The following JMJD1C variants were observed in gnomAD, a reference collection of about 807,000 sequenced individuals.
JMJD1C encodes jumonji domain-containing protein 1C.
Under a neutral mutation model 245.3 loss-of-function variants are expected in JMJD1C, and 31 were observed. That is an observed-to-expected ratio of 0.13 (90% confidence interval 0.09 to 0.17). The LOEUF (loss-of-function observed/expected upper bound fraction) is 0.17, where lower values mean the gene tolerates loss of function less well. Among genes scored for constraint, JMJD1C ranks in the 10% least tolerant of loss-of-function variants. The pLI is 1.00. For missense variants in JMJD1C, 2,691 were observed against 3,000.2 expected, an observed-to-expected ratio of 0.90 and a Z score of 2.41; for synonymous variants, 1,057 against 1,017.4, an observed-to-expected ratio of 1.04 and a Z score of -0.74.
chr10:63,215,165 GAAAGA>G lies in JMJD1C; in HGVS notation c.1016-19_1016-15del. ...CTTTAGGATTTTCTGTAGGATTAAA[GAAAGA>G]AGAGTCTTATTTTTCATACTAAATA... On this transcript the variant is annotated splice_polypyrimidine_tract_variant and intron_variant, in intron 7 of 25. Coordinates refer to ENST00000399262, the MANE Select transcript of JMJD1C (RefSeq NM_032776.3). 1 of 1,517,046 alleles carries G rather than the reference GAAAGA, an allele frequency of 6.6e-7. No individual in the cohort carries two copies. Among genetic ancestry groups the G allele is most frequent in the African/African-American group, 1.4e-5 (1 of 71,344 alleles). The allele number at this position is 1,517,046 out of a possible 1,614,324, so 94.0% of individuals were successfully genotyped here.
intron 2 of JMJD1C, among the ~76,000 whole-genome samples, chr10:63,370,362 C>T (rs1488488566): frequency 6.6e-6 from 1 of 152,228 alleles, no homozygotes; most frequent in Non-Finnish European, 1.5e-5. Context: ...TCTAAACTCA[C>T]TGCAGTGCTA....
At chr10:63,184,933 A>G (rs1589083302) in intron 20 of JMJD1C, among the ~76,000 whole-genome samples, 195 bp from the exon 21 acceptor site, 1 of 152,126 alleles carries the variant, frequency 6.6e-6, no homozygotes, top group South Asian at 2.1e-4. Flanking sequence ...AAAAGCTCCA[A>G]TAGAAGGGAG....
At chr10:63,513,308 C>A (rs1954924699) in intron 1 of JMJD1C, among the ~76,000 whole-genome samples, 1 of 152,172 alleles carries the variant, frequency 6.6e-6, no homozygotes, top group African/African-American at 2.4e-5. Flanking sequence ...AAAATTAACT[C>A]AAGATGGATT....
intron 2 of JMJD1C, among the ~76,000 whole-genome samples, chr10:63,276,879 T>C (rs1459434892): frequency 8.7e-6 from 1 of 114,922 alleles, no homozygotes; most frequent in African/African-American, 3.7e-5. Context: ...AATAGAAGCT[T>C]GGGGCTTTTT....
At chr10:63,255,017 C>T (rs930221997) in intron 3 of JMJD1C, among the ~76,000 whole-genome samples, 1 of 151,866 alleles carries the variant, frequency 6.6e-6, no homozygotes, top group African/African-American at 2.4e-5. Context: ...CCATGCCCTG[C>T]TAATTTTATT....
intron 1 of JMJD1C, among the ~76,000 whole-genome samples, chr10:63,433,455 A>C (rs1196745307): frequency 6.6e-6 from 1 of 152,330 alleles, no homozygotes; most frequent in African/African-American, 2.4e-5. Flanking sequence ...CAATGGCTTA[A>C]CTGTAACATC....
chr10:63,199,574 T>C (rs1845803637), intron 11 of JMJD1C, among the ~76,000 whole-genome samples: 1 of 152,168 alleles, frequency 6.6e-6, no homozygotes, highest in Admixed American at 6.5e-5. Context: ...GCCTGAACAT[T>C]TCTTTCCTTC....
At chr10:63,180,290 C>G (rs752883029) in intron 22 of JMJD1C, among the ~76,000 whole-genome samples, 1 of 152,130 alleles carries the variant, frequency 6.6e-6, no homozygotes, top group Non-Finnish European at 1.5e-5. Context: ...GGATTACAGG[C>G]GTGAGCCACT....
At chr10:63,492,438 G>A (rs532652046) in intron 1 of JMJD1C, among the ~76,000 whole-genome samples, 25 of 152,332 alleles carry the variant, frequency 1.6e-4, no homozygotes, top group African/African-American at 6.0e-4. Flanking sequence ...GGCCAAGGTT[G>A]GTGGATCACT....
Position 63,233,757 on chromosome 10 carries a change from GCACACACACA to G in JMJD1C, c.448-13784_448-13775del, listed in dbSNP as rs10565803. On this transcript the variant is annotated intron_variant, in intron 3 of 25. Transcript: ENST00000399262. ...TATATATATATCCACACACGCGCGT[GCACACACACA>G]CACACACACACACACACCACCACCA... Among the ~76,000 whole-genome samples, 165 of 148,200 alleles carry G rather than the reference GCACACACACA, an allele frequency of 1.1e-3. 1 individual carries two copies. The highest frequency in any genetic ancestry group is 2.0e-3 in the Non-Finnish European group (132 of 67,178).
intron 1 of JMJD1C, among the ~76,000 whole-genome samples, chr10:63,486,102 TGGA>T (rs1220559087): frequency 8.6e-6 from 1 of 116,646 alleles, no homozygotes; most frequent in African/African-American, 3.4e-5. Context: ...GCCAAAGACG[TGGA>T]GAAGGGGAAA....
chr10:63,228,291 T>C (rs935331277), intron 3 of JMJD1C, among the ~76,000 whole-genome samples: 3 of 152,188 alleles, frequency 2.0e-5, no homozygotes, highest in African/African-American at 7.2e-5. Context: ...TCTATGAAAT[T>C]TGAATTTCAT....
At chr10:63,298,464 C>T (rs12773283) in intron 2 of JMJD1C, among the ~76,000 whole-genome samples, 123,138 of 152,092 alleles carry the variant, frequency 0.81, 50,262 homozygotes, top group Non-Finnish European at 0.85. Context: ...CATGCCGATC[C>T]CTGCCAATGT....
intron 1 of JMJD1C, among the ~76,000 whole-genome samples, chr10:63,399,183 T>C (rs1476757054): frequency 1.3e-5 from 2 of 152,188 alleles, no homozygotes; most frequent in African/African-American, 4.8e-5. Flanking sequence ...GATGTCAAAT[T>C]TTCCATCCTT....
At chr10:63,220,058 C>A in intron 3 of JMJD1C, 75 bp from the exon 4 acceptor site, 1 of 1,061,042 alleles carries the variant, frequency 9.4e-7, no homozygotes, top group Non-Finnish European at 1.4e-6. Flanking sequence ...CCCTCCTATA[C>A]GTTCTAAGGA....
chr10:63,434,382 G>A (rs886927016), intron 1 of JMJD1C, among the ~76,000 whole-genome samples: 1 of 152,154 alleles, frequency 6.6e-6, no homozygotes, highest in South Asian at 2.1e-4. Flanking sequence ...CAGTTTAACT[G>A]ACTGAAGTTT....
intron 22 of JMJD1C, among the ~76,000 whole-genome samples, chr10:63,182,496 T>C (rs1416557347): frequency 2.6e-5 from 4 of 152,200 alleles, no homozygotes; most frequent in African/African-American, 9.7e-5. Flanking sequence ...TGGTAAAATA[T>C]TTCTTATGAG....
At chr10:63,215,776 AG>A in intron 5 of JMJD1C, 80 bp from the exon 6 acceptor site, 1 of 936,430 alleles carries the variant, frequency 1.1e-6, no homozygotes, top group Non-Finnish European at 1.5e-6. Context: ...TTTACTCAGT[AG>A]AAATGTTTAG....
intron 1 of JMJD1C, among the ~76,000 whole-genome samples, chr10:63,416,501 G>T (rs1224938238): frequency 6.6e-6 from 1 of 151,926 alleles, no homozygotes; most frequent in Admixed American, 6.6e-5. Context: ...CATTTCTTTG[G>T]CATGTTACTA....
Sources: allele counts gnomAD v4.1 joint callset (sites outside exome capture counted in the v4.1 genomes callset), GRCh38; gene constraint gnomAD v4.1.1; transcripts MANE v1.5; gene names NCBI Gene and HGNC (gene_info 2026-07-23, HGNC 2026-07-21).